The following PPHLN1 variants were observed in gnomAD, a reference collection of about 807,000 sequenced individuals.
The protein encoded by PPHLN1 is periphilin 1.
A neutral mutation model predicts 51.3 loss-of-function variants in PPHLN1; 29 were observed. The ratio of observed to expected loss-of-function variants is 0.57; its 90% CI spans 0.42 to 0.77. The LOEUF (loss-of-function observed/expected upper bound fraction) is 0.77. PPHLN1 is among the 30% of genes least tolerant of loss of function. The pLI, the probability that PPHLN1 is intolerant of heterozygous loss-of-function variation, is 0.00. For synonymous variants in PPHLN1, 147 were observed against 147.8 expected, an observed-to-expected ratio of 0.99 and a Z score of 0.04; for missense variants, 436 against 438.4, an observed-to-expected ratio of 0.99 and a Z score of 0.05.
chr12:42,388,910 C>T (rs1259665671), intron 7 of PPHLN1, among the ~76,000 whole-genome samples: 1 of 152,190 alleles, frequency 6.6e-6, no homozygotes, highest in Non-Finnish European at 1.5e-5. Flanking sequence ...CCACTGCACT[C>T]TAGCCTGGGT....
chr12:42,373,207 A>G (rs1029868208), intron 4 of PPHLN1, among the ~76,000 whole-genome samples: 6 of 152,172 alleles, frequency 3.9e-5, no homozygotes, highest in Non-Finnish European at 7.3e-5. Flanking sequence ...ACCTCACACA[A>G]TTTCTAAAAC....
intron 9 of PPHLN1, among the ~76,000 whole-genome samples, chr12:42,424,402 C>T (rs1462423073): frequency 6.6e-6 from 1 of 152,214 alleles, no homozygotes; most frequent in East Asian, 1.9e-4. Context: ...TCCCTTGCCT[C>T]CTTTCCCCAC....
chr12:42,441,202 T>A, intron 9 of PPHLN1, 113 bp from the exon 10 acceptor site: 2 of 1,385,724 alleles, frequency 1.4e-6, no homozygotes, highest in Non-Finnish European at 1.9e-6. Flanking sequence ...TTCCGCTTTC[T>A]TTTTTGTGTC....
downstream of PPHLN1, chr12:42,446,041 A>C: frequency 6.4e-7 from 1 of 1,550,532 alleles, no homozygotes; most frequent in African/African-American, 1.4e-5. Context: ...ACCAAGTACC[A>C]GAAATGAAGG....
intron 1 of PPHLN1, among the ~76,000 whole-genome samples, chr12:42,333,517 C>G (rs1962526): frequency 0.081 from 12,324 of 151,550 alleles, 544 homozygotes; most frequent in East Asian, 0.15. Flanking sequence ...GAGTCTCACT[C>G]TGTTGCCCAG....
At chr12:42,436,936 G>A (rs924810634) in intron 9 of PPHLN1, among the ~76,000 whole-genome samples, 1 of 152,200 alleles carries the variant, frequency 6.6e-6, no homozygotes, top group Non-Finnish European at 1.5e-5. Flanking sequence ...CTCAGATAAA[G>A]TGGGGACTGC....
intron 9 of PPHLN1, among the ~76,000 whole-genome samples, chr12:42,438,762 C>T (rs567409352): frequency 3.9e-5 from 6 of 152,060 alleles, no homozygotes; most frequent in South Asian, 2.1e-4. Flanking sequence ...TCACCACGCC[C>T]GGCTAATTTT....
At chr12:42,419,540 C>A (rs1378802184) in intron 9 of PPHLN1, among the ~76,000 whole-genome samples, 2 of 152,112 alleles carry the variant, frequency 1.3e-5, no homozygotes, top group Non-Finnish European at 2.9e-5. Flanking sequence ...GGCCTTTATA[C>A]TTTTCTATAT....
intron 4 of PPHLN1, 63 bp downstream of exon 4, chr12:42,355,285 G>A: frequency 7.3e-7 from 1 of 1,379,130 alleles, no homozygotes; most frequent in South Asian, 1.2e-5. Flanking sequence ...TGTCTGCTTT[G>A]GAAATATAGA....
intron 9 of PPHLN1, among the ~76,000 whole-genome samples, chr12:42,404,392 G>C (rs1445939211): frequency 6.6e-6 from 1 of 152,118 alleles, no homozygotes; most frequent in African/African-American, 2.4e-5. Context: ...AGCCCAACAT[G>C]GTGGTGGGTG....
chr12:42,430,857 CAT>C (rs1318351749), intron 9 of PPHLN1, among the ~76,000 whole-genome samples: 1 of 152,104 alleles, frequency 6.6e-6, no homozygotes, highest in African/African-American at 2.4e-5. Flanking sequence ...CATACAAAAA[CAT>C]ATTGCACATC....
chr12:42,429,645 A>T (rs1184157774), intron 9 of PPHLN1, among the ~76,000 whole-genome samples: 2 of 152,246 alleles, frequency 1.3e-5, no homozygotes, highest in Non-Finnish European at 2.9e-5. Context: ...ACTAGAATGT[A>T]AAGTCCTTGA....
intron 4 of PPHLN1, among the ~76,000 whole-genome samples, chr12:42,368,780 A>G (rs1427648483): frequency 2.0e-5 from 3 of 152,218 alleles, no homozygotes; most frequent in Non-Finnish European, 4.4e-5. Flanking sequence ...CAGCCAAAAC[A>G]TTTCTATCAT....
At chr12:42,426,531 C>T (rs1468409252) in intron 9 of PPHLN1, among the ~76,000 whole-genome samples, 1 of 152,088 alleles carries the variant, frequency 6.6e-6, no homozygotes, top group African/African-American at 2.4e-5. Context: ...GCCAATAACT[C>T]CAGAGTGCTT....
At chr12:42,369,806 C>G (rs1056434295) in intron 4 of PPHLN1, among the ~76,000 whole-genome samples, 1 of 152,176 alleles carries the variant, frequency 6.6e-6, no homozygotes, top group African/African-American at 2.4e-5. Context: ...GCCTCTGTTT[C>G]CACGTCAACT....
At chr12:42,432,013 G>T in intron 9 of PPHLN1, 1 of 1,504,756 alleles carries the variant, frequency 6.6e-7, no homozygotes, top group Non-Finnish European at 9.3e-7. Context: ...ACGCTGTATG[G>T]ATTGCTGTCT....
At chr12:42,424,543 A>AT (rs998925688) in intron 9 of PPHLN1, among the ~76,000 whole-genome samples, 1 of 152,064 alleles carries the variant, frequency 6.6e-6, no homozygotes, top group African/African-American at 2.4e-5. Flanking sequence ...ACAAATACAT[A>AT]TTTTTCAGTT....
chr12:42,371,127 T>C lies in PPHLN1; in HGVS notation c.300-3736T>C, dbSNP rs1233930966. On this transcript the variant is annotated intron_variant, in intron 4 of 9. Transcript: ENST00000358314. ...CAGCCTGGTGTTTTTTTTTTTTTTT[T>C]TTTTTTTTTTTGAGACAGAGTCTTG... is the stretch of plus-strand genomic sequence containing the variant. 2.1e-5 allele frequency among the ~76,000 whole-genome samples: 3 copies of C among 141,418 alleles called. No homozygotes were observed. In the East Asian group the frequency reaches 6.2e-4, roughly 29 times the overall value. 92.8% of individuals were successfully genotyped at this position (141,418 alleles called of 152,430 possible).
At chr12:42,396,427 G>A (rs1430079789) in intron 8 of PPHLN1, among the ~76,000 whole-genome samples, 1 of 152,028 alleles carries the variant, frequency 6.6e-6, no homozygotes, top group African/African-American at 2.4e-5. Flanking sequence ...TTGCAGTCAA[G>A]TTTTGTAGAG....
Sources: gnomAD v4.1 joint callset for allele counts (sites outside exome capture counted in the v4.1 genomes callset) on GRCh38, gnomAD v4.1.1 for gene constraint, MANE v1.5 for transcripts, NCBI Gene and HGNC (gene_info 2026-07-23, HGNC 2026-07-21) for gene names.